SNTG2: variants seen among roughly 807,000 people sequenced by gnomAD.
SNTG2 encodes the protein gamma-2-syntrophin.
SNTG2 carries 74 observed loss-of-function variants against 70.9 expected under a neutral mutation model. The ratio of observed to expected loss-of-function variants is 1.04; its 90% CI spans 0.86 to 1.27. The LOEUF is 1.27. SNTG2 is among the 50% of genes most tolerant of loss of function. The pLI is 0.00. For synonymous variants in SNTG2, 278 were observed against 273.8 expected, an observed-to-expected ratio of 1.02 and a Z score of -0.15; for missense variants, 717 against 690.7, an observed-to-expected ratio of 1.04 and a Z score of -0.43.
chr2:1,222,109 C>CTGCCTA lies in SNTG2; in HGVS notation c.719+12880_719+12881insGCCTAT, dbSNP rs760978420. Among the ~76,000 whole-genome samples the CTGCCTA allele has an allele frequency of 8.8e-4, 39 of 44,556 alleles. 3 individuals carry two copies. The highest frequency in any genetic ancestry group is 2.4e-3 in the African/African-American group (23 of 9,636). 29.2% of individuals were successfully genotyped at this position (44,556 alleles called of 152,430 possible). ...TGTCTCTCTCTGTCTCTCTCTGTCT[C>CTGCCTA]TCTCTGTCTCTCTCTGTCTCTCTCT... On this transcript the variant is annotated intron_variant, in intron 9 of 16. Transcript: ENST00000308624.
In SNTG2 at chr2:1,247,316, C is replaced by CAAAGGTTT; in HGVS notation, c.889-11_889-10insAAAGGTTT. The CAAAGGTTT allele has an allele frequency of 6.3e-7, 1 of 1,581,440 alleles. No individual in the cohort carries two copies. Among genetic ancestry groups the CAAAGGTTT allele is most frequent in the Non-Finnish European group, 8.7e-7 (1 of 1,151,142 alleles). ...ATTAAGGCTTGGTTTGTAATTTTCA[C>CAAAGGTTT]CCCTCTGCAGGTTGTGCATATGGGG... On this transcript the variant is annotated splice_polypyrimidine_tract_variant and intron_variant, in intron 11 of 16. Coordinates refer to ENST00000308624, the MANE Select transcript of SNTG2 (RefSeq NM_018968.4).
chr2:1,074,272 C>G (rs955707064), intron 1 of SNTG2, among the ~76,000 whole-genome samples: 4 of 152,202 alleles, frequency 2.6e-5, no homozygotes, highest in African/African-American at 9.6e-5. Flanking sequence ...CCAAGTAGCC[C>G]TTTTCAGACT....
chr2:999,725 T>C (rs912016073), intron 1 of SNTG2, among the ~76,000 whole-genome samples: 2 of 151,936 alleles, frequency 1.3e-5, no homozygotes, highest in Non-Finnish European at 2.9e-5. Context: ...AGACAAATCA[T>C]TGAGATTGAA....
At chr2:1,048,202 A>G (rs987091866) in intron 1 of SNTG2, among the ~76,000 whole-genome samples, 3 of 152,064 alleles carry the variant, frequency 2.0e-5, no homozygotes, top group Admixed American at 6.6e-5. Context: ...GTACACATGC[A>G]TTATTTTAGT....
chr2:1,022,503 G>C (rs994147434), intron 1 of SNTG2, among the ~76,000 whole-genome samples: 2 of 151,542 alleles, frequency 1.3e-5, no homozygotes, highest in Non-Finnish European at 2.9e-5. Context: ...CTGAGTTCCC[G>C]AGTCCCTGAG....
At chr2:985,070 A>G (rs956174704) in intron 1 of SNTG2, among the ~76,000 whole-genome samples, 2 of 152,166 alleles carry the variant, frequency 1.3e-5, no homozygotes, top group Non-Finnish European at 2.9e-5. Flanking sequence ...ATTTGTGAAG[A>G]CAAAATCCGA....
chr2:1,246,418 G>A (rs977709446), intron 11 of SNTG2, among the ~76,000 whole-genome samples: 6 of 152,170 alleles, frequency 3.9e-5, no homozygotes, highest in African/African-American at 1.2e-4. Flanking sequence ...CGGCTGTGAC[G>A]GGACTTACCT....
rs1453990735 is a variant in SNTG2 at position 1,221,812 on chromosome 2, TCG to T, written c.719+12583_719+12584del. On this transcript the variant is annotated intron_variant, in intron 9 of 16. Coordinates refer to ENST00000308624, the MANE Select transcript of SNTG2 (RefSeq NM_018968.4). ...GTCTCTGTCTGTCTCTGTCTCTCTC[TCG>T]GTCTCTGTCTCTCTCTGTCTCTCTC... Among the ~76,000 whole-genome samples the T allele has an allele frequency of 5.5e-3, 14 of 2,538 alleles. 5 individuals are homozygous for T. Among genetic ancestry groups the T allele is most frequent in the Admixed American group, 0.017 (4 of 240 alleles). The allele number at this position is 2,538 out of a possible 152,430, so 1.7% of individuals were successfully genotyped here.
chr2:1,081,279 A>T (rs953315826), intron 1 of SNTG2, among the ~76,000 whole-genome samples: 2 of 152,156 alleles, frequency 1.3e-5, no homozygotes, highest in Non-Finnish European at 2.9e-5. Context: ...GTGAGAGTAA[A>T]TGCGGGAGGC....
intron 11 of SNTG2, among the ~76,000 whole-genome samples, chr2:1,245,172 G>A (rs28652617): frequency 0.29 from 41,900 of 146,262 alleles, 6,845 homozygotes; most frequent in African/African-American, 0.43. Context: ...CCTAATGCTA[G>A]ATGACACGTT....
At chr2:962,027 A>G (rs1263589994) in intron 1 of SNTG2, among the ~76,000 whole-genome samples, 1 of 152,256 alleles carries the variant, frequency 6.6e-6, no homozygotes, top group African/African-American at 2.4e-5. Flanking sequence ...GTACCATTCA[A>G]TCTAGACTTC....
intron 14 of SNTG2, among the ~76,000 whole-genome samples, chr2:1,303,937 A>G (rs549805226): frequency 1.3e-5 from 2 of 152,332 alleles, no homozygotes; most frequent in Admixed American, 1.3e-4. Flanking sequence ...TAGCCTTACC[A>G]TTACTAAGAA....
intron 1 of SNTG2, among the ~76,000 whole-genome samples, chr2:994,495 G>A (rs1485839171): frequency 1.3e-5 from 2 of 152,000 alleles, no homozygotes; most frequent in Non-Finnish European, 2.9e-5. Flanking sequence ...TTCTTTGTTA[G>A]GATTGTTTCT....
chr2:1,156,628 G>A (rs544004801), intron 6 of SNTG2, among the ~76,000 whole-genome samples: 50 of 152,330 alleles, frequency 3.3e-4, no homozygotes, highest in African/African-American at 1.2e-3. Flanking sequence ...GAGACCTGGA[G>A]TTAAGTCCCT....
At chr2:1,149,650 C>T (rs928327862) in intron 6 of SNTG2, among the ~76,000 whole-genome samples, 3 of 150,224 alleles carry the variant, frequency 2.0e-5, no homozygotes, top group Non-Finnish European at 4.4e-5. Context: ...CCACCCTCAA[C>T]AGATTGATGA....
intron 12 of SNTG2, among the ~76,000 whole-genome samples, chr2:1,255,433 G>T (rs984641559): frequency 6.6e-6 from 1 of 152,230 alleles, no homozygotes; most frequent in African/African-American, 2.4e-5. Flanking sequence ...GATATGGCAG[G>T]TCTGGTGCGG....
rs909780720 is a variant in SNTG2 at position 1,326,200 on chromosome 2, A to G, written c.1488+9825A>G. On this transcript the variant is annotated intron_variant, in intron 16 of 16. Coordinates refer to ENST00000308624, the MANE Select transcript of SNTG2 (RefSeq NM_018968.4). Reference sequence around the variant, plus strand: ...CATATATTTATAATATATCCAAACAAATATAACAAATAAGTTAAAACGACT... The same window carrying G: ...CATATATTTATAATATATCCAAACAGATATAACAAATAAGTTAAAACGACT... Among the ~76,000 whole-genome samples the G allele has an allele frequency of 7.9e-5, 12 of 152,312 alleles. No individual in the cohort carries two copies. The East Asian group carries it at 1.9e-3, about 24-fold the overall frequency.
At chr2:1,184,214 C>G (rs1182083086) in intron 8 of SNTG2, among the ~76,000 whole-genome samples, 2 of 152,074 alleles carry the variant, frequency 1.3e-5, no homozygotes, top group Non-Finnish European at 2.9e-5. Flanking sequence ...CTAAGTTGAT[C>G]CCAGCTCACA....
chr2:1,243,391 C>T (rs1205782843), intron 11 of SNTG2, among the ~76,000 whole-genome samples: 1 of 152,202 alleles, frequency 6.6e-6, no homozygotes, highest in Admixed American at 6.5e-5. Flanking sequence ...CTGGTACCTG[C>T]AGCTCCTCAG....
Sources: allele counts gnomAD v4.1 joint callset (sites outside exome capture counted in the v4.1 genomes callset), GRCh38; gene constraint gnomAD v4.1.1; transcripts MANE v1.5; gene names NCBI Gene and HGNC (gene_info 2026-07-23, HGNC 2026-07-21).